The following RAB7A variants were observed in gnomAD, a reference collection of about 807,000 sequenced individuals.
RAB7A encodes ras-related protein Rab-7a.
RAB7A carries 2 observed loss-of-function variants against 24.5 expected under a neutral mutation model. The ratio of observed to expected loss-of-function variants is 0.08; its 90% confidence interval spans 0.03 to 0.26. The LOEUF is 0.26. RAB7A is among the 10% of genes least tolerant of loss of function. RAB7A has a pLI of 1.00. For synonymous variants in RAB7A, 100 were observed against 95.9 expected (o/e 1.04, Z -0.25); for missense variants, 118 against 255.7 (o/e 0.46, Z 3.67).
intron 1 of RAB7A, among the ~76,000 whole-genome samples, chr3:128,728,616 C>A (rs769008116): frequency 1.3e-5 from 2 of 152,192 alleles, no homozygotes; most frequent in African/African-American, 2.4e-5. Flanking sequence ...GCATGCGCCA[C>A]CATGCCCAGC....
intron 1 of RAB7A, among the ~76,000 whole-genome samples, chr3:128,741,191 T>C (rs2070549979): frequency 6.6e-6 from 1 of 152,136 alleles, no homozygotes; most frequent in Non-Finnish European, 1.5e-5. Context: ...TTATAAACTT[T>C]ATATGGCAAG....
intron 1 of RAB7A, among the ~76,000 whole-genome samples, chr3:128,730,020 A>T (rs1418390559): frequency 6.6e-6 from 1 of 152,184 alleles, no homozygotes; most frequent in Non-Finnish European, 1.5e-5. Flanking sequence ...GAAGGCTACC[A>T]TTGTATTCTC....
At chr3:128,799,692 A>C (rs900034658) in intron 3 of RAB7A, among the ~76,000 whole-genome samples, 2 of 152,236 alleles carry the variant, frequency 1.3e-5, no homozygotes, top group African/African-American at 4.8e-5. Flanking sequence ...AAGCAAGTCA[A>C]GCTTGAGAGT....
chr3:128,726,559 G>T (rs1161723572), intron 1 of RAB7A, among the ~76,000 whole-genome samples, 200 bp downstream of exon 1: 3 of 152,152 alleles, frequency 2.0e-5, no homozygotes, highest in Non-Finnish European at 2.9e-5. Context: ...AGGTCGTCGG[G>T]CGTGACCTCT....
intron 1 of RAB7A, among the ~76,000 whole-genome samples, chr3:128,741,022 A>AT (rs2070548070): frequency 1.3e-5 from 2 of 151,406 alleles, no homozygotes; most frequent in South Asian, 4.1e-4. Context: ...ATATAATTGT[A>AT]TAATAAATGT....
At chr3:128,745,826 T>A (rs1278559050) in intron 1 of RAB7A, among the ~76,000 whole-genome samples, 1 of 152,244 alleles carries the variant, frequency 6.6e-6, no homozygotes, top group Non-Finnish European at 1.5e-5. Flanking sequence ...CCAGTTGTCC[T>A]CTTGACTTGA....
At chr3:128,747,881 C>G (rs959257655) in intron 1 of RAB7A, among the ~76,000 whole-genome samples, 11 of 151,478 alleles carry the variant, frequency 7.3e-5, no homozygotes, top group Admixed American at 7.2e-4. Flanking sequence ...AATTCTCCTG[C>G]CTCAGCCTCC....
At chr3:128,797,913 C>G (rs756808624) in intron 2 of RAB7A, 30 bp from the exon 3 acceptor site, 1 of 1,610,600 alleles carries the variant, frequency 6.2e-7, no homozygotes, top group Admixed American at 1.7e-5. Flanking sequence ...TCCTATTTGA[C>G]TTATACTTAT....
chr3:128,795,751 C>CTTTTTTTTTTTTTTTGTTTTTTTTTTT (rs1933556210), intron 2 of RAB7A, among the ~76,000 whole-genome samples: 1 of 43,032 alleles, frequency 2.3e-5, no homozygotes, highest in Non-Finnish European at 4.7e-5. Flanking sequence ...AGCAGATGTG[C>CTTTTTTTTTTTTTTTGTTTTTTTTTTT]TTTTTTTTTT....
intron 3 of RAB7A, 58 bp from the exon 4 acceptor site, chr3:128,806,314 A>G (rs1559797426): frequency 1.3e-6 from 2 of 1,501,740 alleles, no homozygotes; most frequent in Middle Eastern, 2.2e-4. Context: ...CCTTGCATAC[A>G]TGCTCCTGGT....
chr3:128,736,257 A>G (rs2070488725), intron 1 of RAB7A, among the ~76,000 whole-genome samples: 1 of 152,140 alleles, frequency 6.6e-6, no homozygotes, highest in South Asian at 2.1e-4. Flanking sequence ...CAGTATTCCA[A>G]GTTGACAGAT....
At chr3:128,768,074 C>T (rs2070849666) in intron 1 of RAB7A, among the ~76,000 whole-genome samples, 1 of 152,138 alleles carries the variant, frequency 6.6e-6, no homozygotes, top group Admixed American at 6.6e-5. Context: ...AATTCACCCT[C>T]CTGCCTACTG....
intron 1 of RAB7A, among the ~76,000 whole-genome samples, chr3:128,727,906 C>T (rs981503961): frequency 6.6e-6 from 1 of 151,738 alleles, no homozygotes; most frequent in African/African-American, 2.4e-5. Context: ...GAAGAAGGGA[C>T]CGGCTAAGTT....
intron 5 of RAB7A, among the ~76,000 whole-genome samples, chr3:128,809,844 C>G (rs1283569658): frequency 6.6e-6 from 1 of 151,030 alleles, no homozygotes; most frequent in Non-Finnish European, 1.5e-5. Context: ...TCTGGTCTCT[C>G]CAGTCTGTTC....
Position 128,783,506 on chromosome 3 carries a change from C to T in RAB7A, c.-8-11854C>T, listed in dbSNP as rs147947890. On this transcript the variant is annotated intron_variant, in intron 1 of 5. Coordinates refer to ENST00000265062, the MANE Select transcript of RAB7A (RefSeq NM_004637.6). ...AATGGCAAGCCCATTTGAGACAAGC[C>T]GTGTGGTGGCTGGGAACGAGGTGTA... Among the ~76,000 whole-genome samples the T allele has an allele frequency of 2.2e-4, 34 of 152,066 alleles. No homozygotes were observed. The East Asian group carries it at 6.4e-3, about 29-fold the overall frequency.
chr3:128,773,602 T>G (rs886561460), intron 1 of RAB7A, among the ~76,000 whole-genome samples: 38 of 152,276 alleles, frequency 2.5e-4, no homozygotes, highest in African/African-American at 8.9e-4. Flanking sequence ...ACCCAACAGC[T>G]CATTGAGAAC....
intron 1 of RAB7A, among the ~76,000 whole-genome samples, chr3:128,760,449 C>G (rs1423775356): frequency 6.6e-6 from 1 of 152,292 alleles, no homozygotes; most frequent in East Asian, 1.9e-4. Context: ...AATGGAGTCA[C>G]TTTTTCCCAG....
intron 1 of RAB7A, chr3:128,764,592 C>G: frequency 2.1e-6 from 3 of 1,412,938 alleles, no homozygotes; most frequent in Non-Finnish European, 3.0e-6. Flanking sequence ...TGGCTTTCAC[C>G]TGCTCATTCA....
intron 1 of RAB7A, among the ~76,000 whole-genome samples, chr3:128,774,620 C>T (rs1310701692): frequency 6.6e-6 from 1 of 152,216 alleles, no homozygotes; most frequent in Admixed American, 6.5e-5. Context: ...GTTGCCCAGG[C>T]TGGAGTGCAG....
Sources: gnomAD v4.1 joint callset for allele counts (sites outside exome capture counted in the v4.1 genomes callset) on GRCh38, gnomAD v4.1.1 for gene constraint, MANE v1.5 for transcripts, NCBI Gene and HGNC (gene_info 2026-07-23, HGNC 2026-07-21) for gene names.